Variants in ZDHHC11 observed in about 807,000 individuals in gnomAD.
The protein encoded by ZDHHC11 is zDHHC palmitoyltransferase 11.
Under a neutral mutation model 51.3 loss-of-function variants are expected in ZDHHC11, and 44 were observed. The ratio of observed to expected loss-of-function variants is 0.86; its 90% CI spans 0.67 to 1.10. The LOEUF is 1.10. Ranked by LOEUF, ZDHHC11 falls within the 50% of genes least tolerant of loss-of-function variation. The probability of loss-of-function intolerance (pLI) is 0.00; values close to 1 mark genes in which losing one functional copy is unlikely to be tolerated. For synonymous variants in ZDHHC11, 163 were observed against 222.0 expected, an observed-to-expected ratio of 0.73 and a Z score of 2.36; for missense variants, 400 against 537.7, an observed-to-expected ratio of 0.74 and a Z score of 2.53.
At chr5:845,592 C>T (rs1283794397) in intron 3 of ZDHHC11, among the ~76,000 whole-genome samples, 18 of 152,284 alleles carry the variant, frequency 1.2e-4, no homozygotes, top group Middle Eastern at 3.4e-3. Context: ...CTTATCACTA[C>T]GAAGTATGCA....
Position 817,662 on chromosome 5 carries a change from T to C in ZDHHC11, c.1146+1863A>G, listed in dbSNP as rs145499157. Among the ~76,000 whole-genome samples, 367 of 151,430 alleles carry C rather than the reference T, an allele frequency of 2.4e-3. 11 individuals carry two copies. The highest frequency in any genetic ancestry group is 8.6e-3 in the African/African-American group (354 of 41,338). On this transcript the variant is annotated intron_variant, in intron 10 of 12. Coordinates refer to ENST00000283441, the MANE Select transcript of ZDHHC11 (RefSeq NM_024786.3). Reference sequence around the variant, plus strand: ...CTCTAAATATGAGGTCTCTGATGGATTGTGCACTGCTTTCTAGGTGGGACT... The same window carrying C: ...CTCTAAATATGAGGTCTCTGATGGACTGTGCACTGCTTTCTAGGTGGGACT...
intron 1 of ZDHHC11, chr5:849,655 G>T (rs1472193598): frequency 6.6e-6 from 1 of 152,362 alleles, no homozygotes; most frequent in Non-Finnish European, 1.5e-5. Context: ...CTCACTCAGG[G>T]ACCCTGGGCC....
At chr5:848,846 A>ACCT (rs1183215566) in intron 1 of ZDHHC11, among the ~76,000 whole-genome samples, 186 bp from the exon 2 acceptor site, 19 of 150,380 alleles carry the variant, frequency 1.3e-4, no homozygotes, top group African/African-American at 4.4e-4. Flanking sequence ...AGCCCTGCAC[A>ACCT]ACTGAGCCCT....
rs768105821 is a variant in ZDHHC11, at chr5:821,879, G to C, written c.1040C>G (p.Pro347Arg). 6.2e-7 allele frequency: 1 copy of C among 1,605,944 alleles called. No homozygotes were observed. Among genetic ancestry groups the C allele is most frequent in the Admixed American group, 1.7e-5 (1 of 59,500 alleles). Residue 347 changes from proline (P) to arginine (R), a missense_variant, in exon 9 of 13, where the codon CCG (proline) becomes CGG (arginine). This residue lies in a region of ZDHHC11 where 231 missense variants were observed against 227.4 expected (regional missense o/e 1.02). Coordinates refer to ENST00000283441, the MANE Select transcript of ZDHHC11 (RefSeq NM_024786.3). ...AACTCACCCAAGTGCAGATGGACACGGGTCTTCATCCCCTTCCTGTGGGGA... is the reference window on the plus strand; with the variant it reads ...AACTCACCCAAGTGCAGATGGACACCGGTCTTCATCCCCTTCCTGTGGGGA... Reference protein sequence around the residue: ...DSTAREGDEDPCPSALGAKAR... With the variant: ...DSTAREGDEDRCPSALGAKAR...
chr5:837,891 CTCTG>C (rs1334037422), intron 5 of ZDHHC11, among the ~76,000 whole-genome samples: 3 of 151,938 alleles, frequency 2.0e-5, no homozygotes, highest in South Asian at 2.1e-4. Context: ...GGAGGGGCCG[CTCTG>C]TCTGAGGGTC....
intron 9 of ZDHHC11, 65 bp downstream of exon 9, chr5:821,796 G>T: frequency 7.0e-7 from 1 of 1,435,912 alleles, no homozygotes; most frequent in Non-Finnish European, 9.6e-7. Context: ...AGTAATTCGA[G>T]ATGAGACGAG....
intron 11 of ZDHHC11, among the ~76,000 whole-genome samples, chr5:802,688 G>T (rs892764521): frequency 1.3e-5 from 2 of 149,976 alleles, no homozygotes; most frequent in Non-Finnish European, 3.0e-5. Context: ...GAAAGGAGAA[G>T]CTGGGCTGGG....
rs1195724274 is a variant in ZDHHC11 at position 837,397 on chromosome 5, G to C, written c.868C>G (p.Pro290Ala). The part of the protein sequence containing the change: ...SSKHQAVRKD[P>A]YVQMDKGVLQ... The stretch of plus-strand genomic sequence containing the variant: ...ACTCCTTTGTCCATTTGCACGTATG[G>C]ATCTTTCCTCACTGCTTGATGTTTT... The change falls in exon 6 of 13, where the codon CCA (proline) becomes GCA (alanine). Residue 290 changes from proline (P) to alanine (A), a missense_variant. This residue lies in a region of ZDHHC11 where 231 missense variants were observed against 227.4 expected (regional missense o/e 1.02). Coordinates refer to ENST00000283441, the MANE Select transcript of ZDHHC11 (RefSeq NM_024786.3). 6.2e-7 allele frequency: 1 copy of C among 1,613,632 alleles called. No individual in the cohort carries two copies. The highest frequency in any genetic ancestry group is 8.5e-7 in the Non-Finnish European group (1 of 1,179,678).
chr5:807,433 T>A (rs1739431514), intron 11 of ZDHHC11, among the ~76,000 whole-genome samples: 1 of 151,380 alleles, frequency 6.6e-6, no homozygotes, highest in African/African-American at 2.4e-5. Flanking sequence ...ACAAAGATGA[T>A]GTCAGACTCT....
At chr5:796,850 G>T (rs186096660) in intron 12 of ZDHHC11, among the ~76,000 whole-genome samples, 4 of 152,326 alleles carry the variant, frequency 2.6e-5, no homozygotes, top group African/African-American at 4.8e-5. Context: ...ATTTTCTATT[G>T]TTCTTCTTCG....
chr5:856,768 CCACA>C (rs1051223713), intron 1 of ZDHHC11, among the ~76,000 whole-genome samples: 19 of 151,164 alleles, frequency 1.3e-4, no homozygotes, highest in Non-Finnish European at 2.1e-4. Flanking sequence ...AGAATACACA[CCACA>C]CACAGCACAC....
chr5:818,682 G>C (rs1409112774), intron 10 of ZDHHC11, among the ~76,000 whole-genome samples: 5 of 151,534 alleles, frequency 3.3e-5, no homozygotes, highest in African/African-American at 1.2e-4. Context: ...AACAGAGTGA[G>C]ACCCCATCTC....
rs1484245192 is a variant in ZDHHC11 at position 837,399 on chromosome 5, T to C, written c.866A>G (p.Asp289Gly). Reference protein sequence around the residue: ...ESSKHQAVRKDPYVQMDKGVL... With the variant: ...ESSKHQAVRKGPYVQMDKGVL... ...TCCTTTGTCCATTTGCACGTATGGA[T>C]CTTTCCTCACTGCTTGATGTTTTGA... is the stretch of plus-strand genomic sequence containing the variant. Residue 289 changes from aspartate (D) to glycine (G), a missense_variant, in exon 6 of 13, where the codon GAT becomes GGT. Around this residue, in one of 5 missense-constraint regions of ZDHHC11, gnomAD observed 231 missense variants for 227.4 expected, o/e 1.02. Transcript: ENST00000283441. The C allele has an allele frequency of 6.2e-7, 1 of 1,613,626 alleles. No individual in the cohort carries two copies. Among genetic ancestry groups the C allele is most frequent in the Admixed American group, 1.7e-5 (1 of 60,022 alleles).
chr5:850,115 C>T (rs751452942), intron 1 of ZDHHC11, among the ~76,000 whole-genome samples: 4 of 152,246 alleles, frequency 2.6e-5, no homozygotes, highest in Non-Finnish European at 4.4e-5. Flanking sequence ...GCGGGTCCTG[C>T]GCCACGCCAG....
At chr5:820,322 G>A (rs1468608122) in intron 9 of ZDHHC11, among the ~76,000 whole-genome samples, 1 of 151,592 alleles carries the variant, frequency 6.6e-6, no homozygotes, top group Non-Finnish European at 1.5e-5. Flanking sequence ...GACTTAATGG[G>A]TCGTTTGAAA....
intron 6 of ZDHHC11, among the ~76,000 whole-genome samples, chr5:835,608 G>T (rs1309229166): frequency 1.3e-5 from 2 of 151,988 alleles, no homozygotes; most frequent in Non-Finnish European, 2.9e-5. Context: ...TACATTTTAG[G>T]ACCACCTTGT....
Position 850,400 on chromosome 5 carries a change from C to T in ZDHHC11, c.203G>A (p.Trp68Ter), listed in dbSNP as rs1747002726. 1 of 1,613,522 alleles carries T rather than the reference C, an allele frequency of 6.2e-7. No homozygotes were observed. The highest frequency in any genetic ancestry group is 1.3e-5 in the African/African-American group (1 of 74,940). Reference sequence around the variant, plus strand: ...GGATACCACGTAGGCAATGTATTTCCACGCGTGAGGCAGGAAGGGAATGAA... The same window carrying T: ...GGATACCACGTAGGCAATGTATTTCTACGCGTGAGGCAGGAAGGGAATGAA... ...GIFIPFLPHA[W>*]KYIAYVVTGG... Residue 68 changes from tryptophan to a stop codon, truncating the protein, a stop_gained, in exon 1 of 13, where the codon TGG becomes TAG. Coordinates refer to ENST00000283441, the MANE Select transcript of ZDHHC11 (RefSeq NM_024786.3). LOFTEE classifies it high-confidence loss of function.
chr5:810,905 A>G (rs1248952888), intron 11 of ZDHHC11, among the ~76,000 whole-genome samples: 1 of 152,106 alleles, frequency 6.6e-6, no homozygotes, highest in Non-Finnish European at 1.5e-5. Flanking sequence ...TAACGCAACA[A>G]TGTAGAGTTT....
At chr5:857,838 G>C (rs956301637) in intron 1 of ZDHHC11, among the ~76,000 whole-genome samples, 4 of 142,552 alleles carry the variant, frequency 2.8e-5, no homozygotes, top group Non-Finnish European at 6.0e-5. Context: ...TCCCCATCCT[G>C]TCTTTATGAC....
Sources: allele counts gnomAD v4.1 joint callset (sites outside exome capture counted in the v4.1 genomes callset), GRCh38; gene constraint gnomAD v4.1.1; regional missense constraint gnomAD v4.1.1; transcripts MANE v1.5; gene names NCBI Gene and HGNC (gene_info 2026-07-23, HGNC 2026-07-21).